The following GNL3L variants were observed in gnomAD, a reference collection of about 807,000 sequenced individuals.
The protein encoded by GNL3L is G protein nucleolar 3 like.
A neutral mutation model predicts 42.9 loss-of-function variants in GNL3L; 4 were observed. The ratio of observed to expected loss-of-function variants is 0.09; its 90% confidence interval spans 0.05 to 0.21. GNL3L has a LOEUF of 0.21. Among genes scored for constraint, GNL3L ranks in the 10% least tolerant of loss-of-function variants. The pLI, the probability that GNL3L is intolerant of heterozygous loss-of-function variation, is 1.00. For missense variants in GNL3L, 412 were observed against 481.7 expected (o/e 0.86, Z 1.36); for synonymous variants, 159 against 176.3 (o/e 0.90, Z 0.78).
intron 16 of GNL3L, among the ~76,000 whole-genome samples, chrX:54,587,280 C>T (rs1427116439): frequency 4.5e-5 from 5 of 112,331 alleles, no homozygotes; most frequent in Non-Finnish European, 9.4e-5. Flanking sequence ...TTACAAAGTG[C>T]GGTTTAAATC....
At chrX:54,567,301 G>A (rs1198481771), downstream of GNL3L, among the ~76,000 whole-genome samples, 3 of 109,852 alleles carry the variant, frequency 2.7e-5, no homozygotes, top group African/African-American at 9.9e-5. Flanking sequence ...ATATATGTCT[G>A]CATTTTTTTT....
chrX:54,556,106 G>A (rs1925087070), intron 14 of GNL3L, among the ~76,000 whole-genome samples: 3 of 110,884 alleles, frequency 2.7e-5, no homozygotes, highest in South Asian at 7.6e-4. Context: ...ACTACCTGTG[G>A]GTCAAGGAAG....
intron 16 of GNL3L, among the ~76,000 whole-genome samples, chrX:54,575,497 C>T (rs899968773): frequency 1.8e-5 from 2 of 112,375 alleles, no homozygotes; most frequent in Admixed American, 9.4e-5. Context: ...CTTTGGGAGG[C>T]GGAGGCGGGC....
the GNL3L span, among the ~76,000 whole-genome samples, chrX:54,630,620 C>T: frequency 8.3e-5 from 9 of 108,617 alleles, no homozygotes; most frequent in African/African-American, 3.0e-4. Context: ...TGAGAGAGTA[C>T]TTGGTATAAT....
intron 6 of GNL3L, 26 bp from the exon 7 acceptor site, chrX:54,543,181 T>C: frequency 8.3e-7 from 1 of 1,205,830 alleles, no homozygotes; most frequent in Non-Finnish European, 1.1e-6. Flanking sequence ...TTTCCTGCCC[T>C]CATCTCCTGG....
chrX:54,568,957 T>A, downstream of GNL3L, among the ~76,000 whole-genome samples: 1 of 112,726 alleles, frequency 8.9e-6, no homozygotes, highest in Non-Finnish European at 1.9e-5. Flanking sequence ...TTGTGATTAC[T>A]TTGCATGCAT....
At chrX:54,606,156 A>G (rs749181088) in intron 16 of GNL3L, among the ~76,000 whole-genome samples, 1 of 112,089 alleles carries the variant, frequency 8.9e-6, no homozygotes. Context: ...AGAAAATTAG[A>G]TAGTTTAAAA....
At chrX:54,606,995 C>CCTTTCCTTTCTTT (rs1926071483) in intron 16 of GNL3L, among the ~76,000 whole-genome samples, 1 of 28,052 alleles carries the variant, frequency 3.6e-5, no homozygotes, top group Non-Finnish European at 5.9e-5. Context: ...CCTTTCCTTT[C>CCTTTCCTTTCTTT]CTTTCTTTCT....
intron 16 of GNL3L, among the ~76,000 whole-genome samples, chrX:54,588,837 A>G (rs1925827432): frequency 8.9e-6 from 1 of 112,210 alleles, no homozygotes; most frequent in Admixed American, 9.4e-5. Context: ...CATATCGGCA[A>G]TGCTTTAACT....
chrX:54,632,354 C>T, the GNL3L span, among the ~76,000 whole-genome samples: 2 of 111,082 alleles, frequency 1.8e-5, no homozygotes, highest in African/African-American at 6.5e-5. Context: ...TAATTATTCC[C>T]CGAAATAAGT....
In GNL3L at chrX:54,601,074, C is replaced by T. The variant is rs187349052; in HGVS notation, c.*46-19771C>T. On this transcript the variant is annotated intron_variant, in intron 16 of 16. Transcript: ENST00000674498. ...CATGGATAAACCTTGATACATTAAG[C>T]TAAGTGAAAGAAGGCAGTCACAGAG... Among the ~76,000 whole-genome samples the T allele has an allele frequency of 1.5e-4, 17 of 111,475 alleles. No homozygotes were observed. In the Admixed American group the frequency reaches 1.6e-3, roughly 11 times the overall value.
At chrX:54,547,671 C>G (rs1924813850) in intron 8 of GNL3L, among the ~76,000 whole-genome samples, 1 of 111,663 alleles carries the variant, frequency 9.0e-6, no homozygotes, top group African/African-American at 3.3e-5. Flanking sequence ...TGCCACCACA[C>G]TCCTGCCTGG....
intron 16 of GNL3L, among the ~76,000 whole-genome samples, chrX:54,577,453 A>G (rs1925652086): frequency 2.7e-5 from 3 of 111,343 alleles, no homozygotes; most frequent in Non-Finnish European, 5.6e-5. Flanking sequence ...AATACTCAAG[A>G]TTTCTTAAAT....
chrX:54,568,504 T>A (rs1232907936), downstream of GNL3L, among the ~76,000 whole-genome samples: 1 of 110,937 alleles, frequency 9.0e-6, no homozygotes, highest in Non-Finnish European at 1.9e-5. Flanking sequence ...CTGCTTAGAT[T>A]CCTAGAATAA....
rs1221504555 is a variant in GNL3L, at chrX:54,562,292, C to T, written c.*1690C>T. On this transcript the variant is annotated 3_prime_UTR_variant, in exon 16 of 16. Transcript: ENST00000360845. ...AACTCTTGACCTCAAGTGATCCACT[C>T]GCTTCGGCCTCCCAAAGTGCTGGGA... is the stretch of plus-strand genomic sequence containing the variant. 3.6e-5 allele frequency among the ~76,000 whole-genome samples: 4 copies of T among 112,307 alleles called. No individual in the cohort carries two copies. The highest frequency in any genetic ancestry group is 6.5e-5 in the African/African-American group (2 of 30,883).
Position 54,551,935 on chromosome X carries a change from A to G in GNL3L, c.1142A>G (p.Gln381Arg), listed in dbSNP as rs765459578. The G allele has an allele frequency of 8.3e-7, 1 of 1,212,085 alleles. No homozygotes were observed. Among genetic ancestry groups the G allele is most frequent in the Non-Finnish European group, 1.1e-6 (1 of 895,442 alleles). Residue 381 changes from glutamine to arginine, a missense_variant, in exon 12 of 16, where the codon CAG becomes CGG. Gln to Arg is a conservative substitution (Grantham distance 43). Coordinates refer to ENST00000360845, the MANE Select transcript of GNL3L (RefSeq NM_001184819.2). ...AAGAAGAAGGGAGGCTTATATAGTC[A>G]GGAACAGGCGGCCAAAGCTGTCCTA... Reference protein sequence around the residue: ...GKKKKGGLYSQEQAAKAVLAD... With the variant: ...GKKKKGGLYSREQAAKAVLAD...
chrX:54,549,377 A>G (rs1306509612), intron 9 of GNL3L, among the ~76,000 whole-genome samples: 2 of 111,272 alleles, frequency 1.8e-5, no homozygotes, highest in Admixed American at 9.6e-5. Context: ...ACCCACCCCA[A>G]CGCTGCTCCC....
At chrX:54,533,819 A>G (rs747558174) in intron 2 of GNL3L, among the ~76,000 whole-genome samples, 14 of 110,779 alleles carry the variant, frequency 1.3e-4, no homozygotes, top group Non-Finnish European at 1.7e-4. Context: ...TTATTTAGGA[A>G]CATCTAATAC....
At chrX:54,558,961 C>T (rs1480809973) in intron 15 of GNL3L, among the ~76,000 whole-genome samples, 3 of 112,331 alleles carry the variant, frequency 2.7e-5, no homozygotes, top group Non-Finnish European at 5.6e-5. Context: ...GTGGCCCCAC[C>T]TGGGATCTTG....
Sources: gnomAD v4.1 joint callset for allele counts (sites outside exome capture counted in the v4.1 genomes callset) on GRCh38, gnomAD v4.1.1 for gene constraint, MANE v1.5 for transcripts, NCBI Gene and HGNC (gene_info 2026-07-23, HGNC 2026-07-21) for gene names.